The following PTPRA variants were observed in gnomAD, a reference collection of about 807,000 sequenced individuals.
PTPRA encodes the protein receptor-type tyrosine-protein phosphatase alpha.
Under a neutral mutation model 104.8 loss-of-function variants are expected in PTPRA, and 25 were observed. That is an observed-to-expected ratio of 0.24 (90% confidence interval 0.17 to 0.33). PTPRA has a LOEUF of 0.33. Ranked by LOEUF, PTPRA falls within the 10% of genes least tolerant of loss-of-function variation. PTPRA has a pLI of 1.00. For missense variants in PTPRA, 765 were observed against 1,015.3 expected (o/e 0.75, Z 3.35); for synonymous variants, 323 against 368.9 (o/e 0.88, Z 1.43).
At chr20:2,917,205 G>C (rs972168081) in intron 1 of PTPRA, among the ~76,000 whole-genome samples, 9 of 151,918 alleles carry the variant, frequency 5.9e-5, no homozygotes, top group Admixed American at 5.2e-4. Flanking sequence ...TGATCCGCCG[G>C]CCTCGGCCTC....
At chr20:2,897,843 A>C (rs1316203748) in intron 1 of PTPRA, among the ~76,000 whole-genome samples, 1 of 151,016 alleles carries the variant, frequency 6.6e-6, no homozygotes, top group African/African-American at 2.4e-5. Context: ...AATTGTCCCA[A>C]ATTTGGCCAG....
In PTPRA at chr20:3,035,154, T is replaced by A. The variant is rs1822735085; in HGVS notation, c.1921-431T>A. Among the ~76,000 whole-genome samples, 1 of 152,180 alleles carries A rather than the reference T, an allele frequency of 6.6e-6. No individual in the cohort carries two copies. The highest frequency in any genetic ancestry group is 2.4e-5 in the African/African-American group (1 of 41,434). On this transcript the variant is annotated intron_variant, in intron 20 of 23. Coordinates refer to ENST00000399903, the MANE Select transcript of PTPRA (RefSeq NM_001385305.1). This position sits in a 1 kb window ranked among gnomAD's most constrained non-coding sequence, Gnocchi z 5.8. The stretch of plus-strand genomic sequence containing the variant: ...TAAAGGTAAAAGGGAGAAAGGATAC[T>A]GTGGCCTGGGCGGTGGTGAAGCCCA...
chr20:3,021,014 A>C (rs1306773419), intron 13 of PTPRA, among the ~76,000 whole-genome samples: 1 of 152,222 alleles, frequency 6.6e-6, no homozygotes, highest in East Asian at 1.9e-4. Context: ...TTTTGTAGGT[A>C]AGATGGCTTC....
chr20:3,018,831 A>G (rs1178020), intron 13 of PTPRA, among the ~76,000 whole-genome samples: 926 of 27,538 alleles, frequency 0.034, 81 homozygotes, highest in East Asian at 0.15. Flanking sequence ...CCTCCCGGAC[A>G]GGGCGGCTGG....
At chr20:3,004,690 G>C (rs2063786398) in intron 9 of PTPRA, among the ~76,000 whole-genome samples, 1 of 152,212 alleles carries the variant, frequency 6.6e-6, no homozygotes, top group South Asian at 2.1e-4. Flanking sequence ...ATTAGCATGA[G>C]GATAAATGGC....
intron 1 of PTPRA, among the ~76,000 whole-genome samples, chr20:2,905,203 A>C (rs1292623325): frequency 1.3e-5 from 2 of 152,134 alleles, no homozygotes; most frequent in Non-Finnish European, 2.9e-5. Context: ...CTGAAACCAT[A>C]TCCTCCACCC....
In PTPRA at chr20:3,027,772, C is replaced by G. The variant is rs774354583; in HGVS notation, c.1851C>G (p.Phe617Leu). Reference sequence around the variant, plus strand: ...CTCTTCTCCACACAATTGAGGACTTCTGGCGAATGATCTGGGAGTGGAAAT... The same window carrying G: ...CTCTTCTCCACACAATTGAGGACTTGTGGCGAATGATCTGGGAGTGGAAAT... ...QGPLLHTIED[F>L]WRMIWEWKSC... is the part of the protein sequence containing the mutation. The change falls in exon 20 of 24, where the codon TTC becomes TTG. Residue 617 changes from phenylalanine (F) to leucine (L), a missense_variant. This residue lies in a region of PTPRA where 192 missense variants were observed against 227.0 expected (regional missense o/e 0.85). Transcript: ENST00000399903. The G allele has an allele frequency of 1.2e-6, 2 of 1,614,080 alleles. No homozygotes were observed. Among genetic ancestry groups the G allele is most frequent in the Admixed American group, 1.7e-5 (1 of 60,006 alleles).
At chr20:3,013,797 AATCTAGAGAC>A (rs1452913323) in intron 11 of PTPRA, among the ~76,000 whole-genome samples, 4 of 152,102 alleles carry the variant, frequency 2.6e-5, no homozygotes, top group African/African-American at 9.7e-5. Flanking sequence ...CAGCTTTCAG[AATCTAGAGAC>A]ATCTCAGGAG....
chr20:2,896,304 G>A (rs190724595), intron 1 of PTPRA, among the ~76,000 whole-genome samples: 30 of 152,264 alleles, frequency 2.0e-4, no homozygotes, highest in Admixed American at 2.0e-4. Flanking sequence ...GCTTGAACCC[G>A]GGAGGTGGAG....
chr20:2,950,922 A>G lies in PTPRA; in HGVS notation c.-7+2898A>G, dbSNP rs2061332668. 6.6e-6 allele frequency among the ~76,000 whole-genome samples: 1 copy of G among 151,910 alleles called. No individual in the cohort carries two copies. The highest frequency in any genetic ancestry group is 2.4e-5 in the African/African-American group (1 of 41,380). ...AGTGTGAACATATAATCTCTCCCCAAAGTTTTCTTGTGTCTTTTATAATCA... is the reference window on the plus strand; with the variant it reads ...AGTGTGAACATATAATCTCTCCCCAGAGTTTTCTTGTGTCTTTTATAATCA... On this transcript the variant is annotated intron_variant, in intron 3 of 23. Transcript: ENST00000399903. The surrounding 1 kb of genome is among the most constrained non-coding windows in gnomAD (Gnocchi z 4.0).
chr20:2,931,472 T>C (rs2060501136), intron 2 of PTPRA, among the ~76,000 whole-genome samples: 2 of 152,130 alleles, frequency 1.3e-5, no homozygotes, highest in South Asian at 4.1e-4. Flanking sequence ...AGAATGGTGA[T>C]GTATGTTCAG....
At chr20:3,006,547 A>T (rs2063882301) in intron 10 of PTPRA, among the ~76,000 whole-genome samples, 1 of 152,248 alleles carries the variant, frequency 6.6e-6, no homozygotes, top group South Asian at 2.1e-4. Context: ...ATAAATGAGC[A>T]TGTATTAGAG....
rs2148537046 is a variant in PTPRA at position 3,037,190 on chromosome 20, G to A, written c.2235G>A (p.Leu745=). 6.2e-7 allele frequency: 1 copy of A among 1,614,214 alleles called. No homozygotes were observed. Among genetic ancestry groups the A allele is most frequent in the Non-Finnish European group, 8.5e-7 (1 of 1,180,036 alleles). The stretch of plus-strand genomic sequence containing the variant: ...GAAGGACGGGGACCTTCTGTGCCCT[G>A]AGCACCGTCCTGGAGCGTGTGAAAG... ...GAGRTGTFCA[L]STVLERVKAE... Residue 745 remains leucine, a synonymous_variant, in exon 23 of 24, where the codon CTG becomes CTA. Transcript: ENST00000399903. This position sits in a 1 kb window ranked among gnomAD's most constrained non-coding sequence, Gnocchi z 4.3.
intron 2 of PTPRA, among the ~76,000 whole-genome samples, chr20:2,939,259 C>T (rs1425493397): frequency 2.0e-5 from 3 of 152,178 alleles, no homozygotes; most frequent in South Asian, 4.1e-4. Flanking sequence ...TCAGAGAATT[C>T]ATTTCTCTAG....
At chr20:3,016,007 A>G (rs531869728) in intron 12 of PTPRA, 122 bp downstream of exon 12, 1 of 933,128 alleles carries the variant, frequency 1.1e-6, no homozygotes, top group South Asian at 1.6e-5. Context: ...ACTTTTTACC[A>G]CCTGAAAGAA....
intron 5 of PTPRA, among the ~76,000 whole-genome samples, chr20:2,974,773 T>C (rs1211608929): frequency 1.3e-5 from 2 of 152,248 alleles, no homozygotes; most frequent in Non-Finnish European, 2.9e-5. Context: ...AATATTGTAC[T>C]CTTTCTACTG....
At chr20:2,973,593 A>T (rs551221861) in intron 5 of PTPRA, among the ~76,000 whole-genome samples, 1 of 152,274 alleles carries the variant, frequency 6.6e-6, no homozygotes, top group African/African-American at 2.4e-5. Context: ...TATTGCCCTT[A>T]TCTGTTTGGT....
intron 20 of PTPRA, among the ~76,000 whole-genome samples, chr20:3,034,552 A>AT (rs11478677): frequency 0.01 from 1,439 of 143,820 alleles, 24 homozygotes; most frequent in African/African-American, 0.025. Flanking sequence ...CTTAATGAGA[A>AT]TTTTTTTTTT....
chr20:2,961,794 A>C (rs1207418369), intron 3 of PTPRA, among the ~76,000 whole-genome samples: 2 of 152,222 alleles, frequency 1.3e-5, no homozygotes, highest in Admixed American at 6.5e-5. Flanking sequence ...TTTGTGAAAG[A>C]TAATAAGGTC....
Sources: gnomAD v4.1 joint callset for allele counts (sites outside exome capture counted in the v4.1 genomes callset) on GRCh38, gnomAD v4.1.1 for gene constraint, gnomAD v4.1.1 regional missense constraint, Gnocchi (gnomAD v3.1) non-coding constraint, MANE v1.5 for transcripts, NCBI Gene and HGNC (gene_info 2026-07-23, HGNC 2026-07-21) for gene names.